The following TVP23A variants were observed in gnomAD, a reference collection of about 807,000 sequenced individuals.
TVP23A encodes Golgi apparatus membrane protein TVP23 homolog A.
A neutral mutation model predicts 31.7 loss-of-function variants in TVP23A; 21 were observed. That is an observed-to-expected ratio of 0.66 (90% CI 0.47 to 0.95). The LOEUF (loss-of-function observed/expected upper bound fraction) is 0.95, where lower values mean the gene tolerates loss of function less well. Among genes scored for constraint, TVP23A ranks in the 40% least tolerant of loss-of-function variants. The pLI is 0.00. For missense variants in TVP23A, 279 were observed against 255.6 expected, an observed-to-expected ratio of 1.09 and a Z score of -0.62; for synonymous variants, 104 against 96.0, an observed-to-expected ratio of 1.08 and a Z score of -0.49.
chr16:10,762,694 C>T (rs554570816), downstream of TVP23A, among the ~76,000 whole-genome samples: 20 of 152,216 alleles, frequency 1.3e-4, no homozygotes, highest in South Asian at 2.1e-3. Context: ...ACCCATGCCT[C>T]GGAACTTCCA....
chr16:10,814,155 C>CT (rs2143008021), intron 2 of TVP23A, among the ~76,000 whole-genome samples: 1 of 152,288 alleles, frequency 6.6e-6, no homozygotes, highest in East Asian at 1.9e-4. Context: ...GGCCCATCCC[C>CT]TGTGAATCTG....
downstream of TVP23A, chr16:10,758,176 G>C (rs1092688): frequency 1.9e-5 from 16 of 850,020 alleles, no homozygotes; most frequent in Admixed American, 2.7e-5. Flanking sequence ...CAGAAACCTC[G>C]TGTTAAAAAC....
rs2031943496 is a variant in TVP23A at position 10,775,433 on chromosome 16, T to TGAC, written c.90-340_90-338dup. On this transcript the variant is annotated intron_variant, in intron 2 of 7. Coordinates refer to ENST00000299866, the MANE Select transcript of TVP23A (RefSeq NM_001079512.4). Reference sequence around the variant, plus strand: ...TCACTGCCTTCCCGCCTAGCAGAGATGACGGCCAGTTCCCTAAAGGTAAAG... The same window carrying TGAC: ...TCACTGCCTTCCCGCCTAGCAGAGATGACGACGGCCAGTTCCCTAAAGGTAAAG... 4.6e-6 allele frequency: 5 copies of TGAC among 1,094,860 alleles called. No homozygotes were observed. The South Asian group carries it at 1.1e-4, about 25-fold the overall frequency. 67.8% of individuals were successfully genotyped at this position (1,094,860 alleles called of 1,614,324 possible).
At chr16:10,763,319 G>C (rs1048594646), downstream of TVP23A, among the ~76,000 whole-genome samples, 6 of 152,108 alleles carry the variant, frequency 3.9e-5, no homozygotes, top group Non-Finnish European at 7.4e-5. Flanking sequence ...CAGGAGGACA[G>C]TGTTGGGGGA....
intron 2 of TVP23A, among the ~76,000 whole-genome samples, chr16:10,815,796 C>T (rs1275509131): frequency 6.6e-6 from 1 of 152,200 alleles, no homozygotes; most frequent in African/African-American, 2.4e-5. Context: ...AGAAATTGAA[C>T]ACATATGAGT....
At chr16:10,797,551 T>A (rs1158909117) in intron 2 of TVP23A, among the ~76,000 whole-genome samples, 1 of 117,526 alleles carries the variant, frequency 8.5e-6, no homozygotes, top group African/African-American at 5.2e-5. Context: ...AAACTTCATC[T>A]CAAAAAAAAA....
intron 2 of TVP23A, among the ~76,000 whole-genome samples, chr16:10,794,580 C>T (rs2033282945): frequency 6.6e-6 from 1 of 152,194 alleles, no homozygotes; most frequent in South Asian, 2.1e-4. Flanking sequence ...TGCTATTTTA[C>T]AGATGAGGAC....
At chr16:10,807,368 T>C (rs929966030) in intron 2 of TVP23A, among the ~76,000 whole-genome samples, 4 of 152,172 alleles carry the variant, frequency 2.6e-5, no homozygotes, top group African/African-American at 9.7e-5. Flanking sequence ...CTTGGGTCAA[T>C]GTCACACACA....
At chr16:10,764,442 C>T (rs1627562), downstream of TVP23A, among the ~76,000 whole-genome samples, 2 of 128,446 alleles carry the variant, frequency 1.6e-5, no homozygotes, top group Admixed American at 8.4e-5. Context: ...CTGGAGTATG[C>T]CAGTGTGTTG....
chr16:10,813,288 G>A (rs1018620984), intron 2 of TVP23A, among the ~76,000 whole-genome samples: 1 of 152,226 alleles, frequency 6.6e-6, no homozygotes, highest in Non-Finnish European at 1.5e-5. Flanking sequence ...CACAAAGCCA[G>A]AAAGTGATAA....
At chr16:10,773,487 T>G in intron 4 of TVP23A, 46 bp from the exon 5 acceptor site, 2 of 1,550,166 alleles carry the variant, frequency 1.3e-6, no homozygotes, top group South Asian at 2.4e-5. Flanking sequence ...TGGAAATGGT[T>G]GCAAACGAGC....
rs57091036 is a variant in TVP23A, at chr16:10,788,272, G to GT, written c.90-13177dup. ...GTTAAGATGAGGGGTTGTGAGCAAG[G>GT]TTTTTTTTTTGTTTTTTTTTGAGAT... On this transcript the variant is annotated intron_variant, in intron 2 of 7. Coordinates refer to ENST00000299866, the MANE Select transcript of TVP23A (RefSeq NM_001079512.4). Among the ~76,000 whole-genome samples, 149 of 148,168 alleles carry GT rather than the reference G, an allele frequency of 1.0e-3. 3 individuals are homozygous for GT. The highest frequency in any genetic ancestry group is 3.4e-3 in the Middle Eastern group (1 of 294).
rs976499815 is a variant in TVP23A, at chr16:10,818,716, C to T, written c.-223G>A. On this transcript the variant is annotated 5_prime_UTR_variant, in exon 1 of 8. Transcript: ENST00000299866. This position sits in a 1 kb window ranked among gnomAD's most constrained non-coding sequence, Gnocchi z 4.7. ...AGGCTGGGGAGGGGGCTCGGCTCGC[C>T]GGGGACGCGCCCAGGAGAGAAAGCG... The T allele has an allele frequency of 1.3e-4, 66 of 504,156 alleles. No homozygotes were observed. Among genetic ancestry groups the T allele is most frequent in the African/African-American group, 9.7e-4 (47 of 48,684 alleles). 31.2% of individuals were successfully genotyped at this position (504,156 alleles called of 1,614,324 possible).
chr16:10,808,565 G>A (rs892012873), intron 2 of TVP23A: 16 of 454,670 alleles, frequency 3.5e-5, no homozygotes, highest in African/African-American at 2.8e-4. Flanking sequence ...GGGAGGCCAA[G>A]GCAGGAGGAT....
chr16:10,758,037 C>G (rs1445834789), downstream of TVP23A: 2 of 1,610,810 alleles, frequency 1.2e-6, no homozygotes, highest in Middle Eastern at 1.7e-4. Context: ...GGTGAGCGAG[C>G]TGCCAGCTGG....
intron 2 of TVP23A, among the ~76,000 whole-genome samples, chr16:10,806,352 A>G (rs964059814): frequency 6.6e-6 from 1 of 152,116 alleles, no homozygotes; most frequent in Non-Finnish European, 1.5e-5. Flanking sequence ...CAAAAAGAAA[A>G]AAAGAAAAGA....
intron 2 of TVP23A, among the ~76,000 whole-genome samples, chr16:10,807,752 A>T (rs575827756): frequency 6.6e-6 from 1 of 152,334 alleles, no homozygotes; most frequent in South Asian, 2.1e-4. Context: ...GGTAAGCCTA[A>T]GATGGAAGCC....
chr16:10,812,953 C>A (rs1045309202), intron 2 of TVP23A, among the ~76,000 whole-genome samples: 1 of 152,180 alleles, frequency 6.6e-6, no homozygotes, highest in East Asian at 1.9e-4. Flanking sequence ...GGGAAAAACA[C>A]ATACAGCATG....
At position 10,775,110 on chromosome 16, in the gene TVP23A, C is replaced by T; in HGVS notation, c.90-14G>A. On this transcript the variant is annotated splice_polypyrimidine_tract_variant and intron_variant, in intron 2 of 7. Coordinates refer to ENST00000299866, the MANE Select transcript of TVP23A (RefSeq NM_001079512.4). ...GCCAAGGGGTGTCTAGGAAAGGACC[C>T]AGAAGGCGCCCTCACTCCAAGAGCT... The T allele has an allele frequency of 6.2e-7, 1 of 1,600,604 alleles. No individual in the cohort carries two copies. Among genetic ancestry groups the T allele is most frequent in the Non-Finnish European group, 8.5e-7 (1 of 1,173,964 alleles).
Sources: gnomAD v4.1 joint callset for allele counts (sites outside exome capture counted in the v4.1 genomes callset) on GRCh38, gnomAD v4.1.1 for gene constraint, Gnocchi (gnomAD v3.1) non-coding constraint, MANE v1.5 for transcripts, NCBI Gene and HGNC (gene_info 2026-07-23, HGNC 2026-07-21) for gene names.